The following CPNE8 variants were observed in gnomAD, a reference collection of about 807,000 sequenced individuals.
CPNE8 encodes the protein copine 8.
CPNE8 carries 45 observed loss-of-function variants against 81.5 expected under a neutral mutation model. The observed-to-expected ratio is 0.55, with a 90% CI of 0.44 to 0.71. CPNE8 has a LOEUF of 0.71. Ranked by LOEUF, CPNE8 falls within the 30% of genes least tolerant of loss-of-function variation. The pLI is 0.00. For missense variants in CPNE8, 594 were observed against 672.1 expected (o/e 0.88, Z 1.28); for synonymous variants, 252 against 226.3 (o/e 1.11, Z -1.02).
chr12:38,675,999 C>T (rs1939280547), intron 17 of CPNE8: 1 of 156,570 alleles, frequency 6.4e-6, no homozygotes. Context: ...GCCTGAAGTC[C>T]TAGCTACTTG....
intron 7 of CPNE8, among the ~76,000 whole-genome samples, chr12:38,770,936 C>T (rs896194910): frequency 9.9e-5 from 15 of 152,080 alleles, no homozygotes; most frequent in African/African-American, 3.6e-4. Context: ...CATATATTAC[C>T]TGCATAGTCA....
intron 5 of CPNE8, among the ~76,000 whole-genome samples, chr12:38,833,438 G>T (rs1186116906): frequency 2.8e-5 from 4 of 142,828 alleles, no homozygotes; most frequent in Non-Finnish European, 6.1e-5. Flanking sequence ...GACACTGAAA[G>T]AAAATTTTCA....
chr12:38,906,571 G>A (rs1023210188), upstream of CPNE8: 11 of 985,418 alleles, frequency 1.1e-5, no homozygotes, highest in Admixed American at 2.5e-4. Flanking sequence ...ACTCCCACCC[G>A]CAAGAACTGA....
chr12:38,767,797 A>G, intron 7 of CPNE8, 59 bp from the exon 8 acceptor site: 1 of 1,021,876 alleles, frequency 9.8e-7, no homozygotes, highest in Non-Finnish European at 1.4e-6. Context: ...TAGAAACTGC[A>G]GATCAGAAAC....
intron 8 of CPNE8, among the ~76,000 whole-genome samples, chr12:38,766,192 TA>T (rs1236210893): frequency 6.6e-6 from 1 of 152,170 alleles, no homozygotes; most frequent in Non-Finnish European, 1.5e-5. Context: ...ATACATTTTT[TA>T]ATAAAAGTAT....
At chr12:38,683,639 G>A (rs1939460439) in intron 16 of CPNE8, among the ~76,000 whole-genome samples, 2 of 152,200 alleles carry the variant, frequency 1.3e-5, no homozygotes, top group South Asian at 4.1e-4. Flanking sequence ...AAAATTCAAA[G>A]ATGAAAGGAT....
intron 10 of CPNE8, among the ~76,000 whole-genome samples, chr12:38,745,570 T>C (rs1941208611): frequency 6.6e-6 from 1 of 152,112 alleles, no homozygotes; most frequent in Non-Finnish European, 1.5e-5. Flanking sequence ...TGAGACAGGG[T>C]CTCCCTCTGT....
chr12:38,758,150 C>CTT (rs1210648983), intron 10 of CPNE8, among the ~76,000 whole-genome samples: 1 of 115,420 alleles, frequency 8.7e-6, no homozygotes, highest in Non-Finnish European at 1.8e-5. Flanking sequence ...TGAACAAACT[C>CTT]TCTCTCTCTC....
chr12:38,846,753 G>A (rs1295492283), intron 4 of CPNE8, among the ~76,000 whole-genome samples: 2 of 152,050 alleles, frequency 1.3e-5, no homozygotes, highest in Non-Finnish European at 2.9e-5. Flanking sequence ...AAATTTGGCT[G>A]TAAGTCATTT....
chr12:38,802,695 T>G (rs1373823809), intron 6 of CPNE8, among the ~76,000 whole-genome samples: 3 of 151,630 alleles, frequency 2.0e-5, no homozygotes, highest in African/African-American at 7.3e-5. Flanking sequence ...AAAAAACCCT[T>G]CCAAAAATCA....
rs1939272724 is a variant in CPNE8, at chr12:38,675,714, C to A, written c.1432+3G>T. The A allele has an allele frequency of 6.3e-7, 1 of 1,582,042 alleles. No individual in the cohort carries two copies. On this transcript the variant is annotated splice_donor_region_variant and intron_variant, in intron 18 of 19. Transcript: ENST00000331366. ...GGAATATTATTGAAATTTTACTACT[C>A]ACCATCAAATTCTGCTGGTCCAACA...
At chr12:38,764,427 C>G (rs928951880) in intron 8 of CPNE8, among the ~76,000 whole-genome samples, 1 of 151,088 alleles carries the variant, frequency 6.6e-6, no homozygotes, top group African/African-American at 2.4e-5. Flanking sequence ...ACCATCCCGG[C>G]TAAAACGGTG....
chr12:38,761,216 A>G (rs1941564616), intron 9 of CPNE8, among the ~76,000 whole-genome samples: 1 of 152,168 alleles, frequency 6.6e-6, no homozygotes, highest in Non-Finnish European at 1.5e-5. Flanking sequence ...GTGTTTCTCA[A>G]ACTCAGCAAA....
At chr12:38,696,154 T>C (rs844116) in intron 14 of CPNE8, among the ~76,000 whole-genome samples, 145,646 of 152,206 alleles carry the variant, frequency 0.96, 69,850 homozygotes, top group East Asian at 1. Flanking sequence ...ACAAAGATGT[T>C]ACCTATCTCT....
At chr12:38,719,022 C>T (rs1309474241) in intron 13 of CPNE8, among the ~76,000 whole-genome samples, 1 of 151,872 alleles carries the variant, frequency 6.6e-6, no homozygotes, top group Non-Finnish European at 1.5e-5. Flanking sequence ...ACACAAATTA[C>T]ACCGAGAGTA....
intron 1 of CPNE8, among the ~76,000 whole-genome samples, chr12:38,880,149 C>A (rs1944131322): frequency 6.6e-6 from 1 of 152,182 alleles, no homozygotes; most frequent in South Asian, 2.1e-4. Context: ...TGGACAGAGA[C>A]CAGTATCTCT....
chr12:38,657,864 G>A lies in CPNE8; in HGVS notation c.1507-3794C>T, dbSNP rs184778074. Among the ~76,000 whole-genome samples, 498 of 152,164 alleles carry A rather than the reference G, an allele frequency of 3.3e-3. 3 individuals are homozygous for A. Among genetic ancestry groups the A allele is most frequent in the African/African-American group, 0.012 (481 of 41,504 alleles). ...GCAGTAGCATCAACATCAATAAAAA[G>A]GACATCCACACCAAAACCACATCTA... On this transcript the variant is annotated intron_variant, in intron 19 of 19. Coordinates refer to ENST00000331366, the MANE Select transcript of CPNE8 (RefSeq NM_153634.3).
At chr12:38,737,371 T>C (rs766578740) in intron 10 of CPNE8, among the ~76,000 whole-genome samples, 1 of 152,072 alleles carries the variant, frequency 6.6e-6, no homozygotes, top group Non-Finnish European at 1.5e-5. Flanking sequence ...ACACATATAC[T>C]TCAGTCAAAA....
chr12:38,857,788 C>T (rs887817622), intron 3 of CPNE8, among the ~76,000 whole-genome samples: 3 of 152,024 alleles, frequency 2.0e-5, no homozygotes, highest in Non-Finnish European at 4.4e-5. Flanking sequence ...CTCAGCTACT[C>T]GGGAGGCTGA....
Sources: gnomAD v4.1 joint callset for allele counts (sites outside exome capture counted in the v4.1 genomes callset) on GRCh38, gnomAD v4.1.1 for gene constraint, MANE v1.5 for transcripts, NCBI Gene and HGNC (gene_info 2026-07-23, HGNC 2026-07-21) for gene names.